The following WWOX variants were observed in gnomAD, a reference collection of about 807,000 sequenced individuals.
WWOX encodes WW domain-containing oxidoreductase.
In WWOX, 69 loss-of-function variants were observed where a neutral mutation model predicts 46.2. The observed-to-expected ratio is 1.49, with a 90% confidence interval of 1.23 to 1.82. The LOEUF (loss-of-function observed/expected upper bound fraction) is 1.82, where lower values mean the gene tolerates loss of function less well. Ranked by LOEUF, WWOX falls within the 40% of genes most tolerant of loss-of-function variation. WWOX has a pLI of 0.00. For missense variants in WWOX, 919 were observed against 542.6 expected (o/e 1.69, Z -6.89); for synonymous variants, 359 against 202.6 (o/e 1.77, Z -6.56).
At chr16:78,413,380 A>G (rs1567557584) in intron 6 of WWOX, among the ~76,000 whole-genome samples, 1 of 152,202 alleles carries the variant, frequency 6.6e-6, no homozygotes, top group African/African-American at 2.4e-5. Flanking sequence ...GAGTCAGCAA[A>G]GGGTGATGGG....
intron 8 of WWOX, among the ~76,000 whole-genome samples, chr16:79,025,374 ATAAGT>A (rs1255098548): frequency 6.6e-6 from 1 of 152,224 alleles, no homozygotes; most frequent in Admixed American, 6.5e-5. Flanking sequence ...GTCTTTGCAG[ATAAGT>A]TCAGTTGAGG....
At chr16:78,754,675 A>T (rs1017192766) in intron 8 of WWOX, among the ~76,000 whole-genome samples, 4 of 152,220 alleles carry the variant, frequency 2.6e-5, no homozygotes, top group Non-Finnish European at 5.9e-5. Flanking sequence ...CTTGACACAA[A>T]TAAAGGCATG....
intron 8 of WWOX, among the ~76,000 whole-genome samples, chr16:78,755,686 G>C (rs549152625): frequency 6.6e-6 from 1 of 152,298 alleles, no homozygotes; most frequent in East Asian, 1.9e-4. Context: ...CCCTGCACCA[G>C]GGCCATGTGA....
At chr16:78,706,192 A>G (rs970966300) in intron 8 of WWOX, among the ~76,000 whole-genome samples, 47 of 152,084 alleles carry the variant, frequency 3.1e-4, no homozygotes, top group African/African-American at 1.0e-3. Flanking sequence ...AGGATATCAA[A>G]AAAGAAAACA....
chr16:78,743,898 A>G (rs546707858), intron 8 of WWOX, among the ~76,000 whole-genome samples: 1 of 152,212 alleles, frequency 6.6e-6, no homozygotes, highest in Non-Finnish European at 1.5e-5. Flanking sequence ...AAAATTCTTT[A>G]ACCAGGCTCT....
intron 8 of WWOX, among the ~76,000 whole-genome samples, chr16:78,594,427 AG>A (rs1186670889): frequency 1.2e-4 from 7 of 60,074 alleles, no homozygotes; most frequent in Non-Finnish European, 1.2e-4. Flanking sequence ...GACTGAGGAA[AG>A]GCCCCCCCCC....
At chr16:78,834,532 G>C (rs1050935097) in intron 8 of WWOX, among the ~76,000 whole-genome samples, 1 of 152,086 alleles carries the variant, frequency 6.6e-6, no homozygotes, top group African/African-American at 2.4e-5. Flanking sequence ...CTGTAAACAA[G>C]GTCTGAAGGC....
intron 8 of WWOX, among the ~76,000 whole-genome samples, chr16:78,601,852 C>T (rs1388760060): frequency 9.0e-6 from 1 of 111,478 alleles, no homozygotes; most frequent in Non-Finnish European, 1.7e-5. Context: ...CTGCAGATCC[C>T]TACTCGGAGT....
chr16:78,397,088 A>G (rs772092143), intron 6 of WWOX, among the ~76,000 whole-genome samples: 6 of 152,186 alleles, frequency 3.9e-5, no homozygotes, highest in Non-Finnish European at 5.9e-5. Context: ...TGTTGTGTGC[A>G]TAGTTAATTT....
At chr16:78,108,332 C>A in intron 1 of WWOX, 91 bp from the exon 2 acceptor site, 1 of 1,298,932 alleles carries the variant, frequency 7.7e-7, no homozygotes. Flanking sequence ...TTATATCTGG[C>A]TATCTGGGAG....
At position 78,929,449 on chromosome 16, in the gene WWOX, A is replaced by G. The variant is rs142128109; in HGVS notation, c.1057-282159A>G. Among the ~76,000 whole-genome samples the G allele has an allele frequency of 9.3e-3, 1,417 of 152,292 alleles. 17 individuals carry two copies. Among genetic ancestry groups the G allele is most frequent in the African/African-American group, 0.032 (1,335 of 41,544 alleles). On this transcript the variant is annotated intron_variant, in intron 8 of 8. Transcript: ENST00000566780. Reference sequence around the variant, plus strand: ...AGAAGGATTTTGAAGAGGAACTGCTATATAACACTGCTTAAAAATCTATTT... The same window carrying G: ...AGAAGGATTTTGAAGAGGAACTGCTGTATAACACTGCTTAAAAATCTATTT...
At position 78,227,980 on chromosome 16, in the gene WWOX, A is replaced by G. The variant is rs890572952; in HGVS notation, c.516+63691A>G. On this transcript the variant is annotated intron_variant, in intron 5 of 8. Coordinates refer to ENST00000566780, the MANE Select transcript of WWOX (RefSeq NM_016373.4). ...TATTTATATTCCATTTCACCACAAG[A>G]TGTCACCAGGGCACCACACCAACAT... Among the ~76,000 whole-genome samples, 4 of 152,216 alleles carry G rather than the reference A, an allele frequency of 2.6e-5. No individual in the cohort carries two copies. The East Asian group carries it at 7.7e-4, about 29-fold the overall frequency.
intron 8 of WWOX, among the ~76,000 whole-genome samples, chr16:78,682,076 G>T (rs541995382): frequency 6.6e-6 from 1 of 152,336 alleles, no homozygotes; most frequent in South Asian, 2.1e-4. Flanking sequence ...CTGAGAAAAT[G>T]CATGTATGTA....
At chr16:78,659,815 A>C (rs1239452355) in intron 8 of WWOX, among the ~76,000 whole-genome samples, 1 of 152,038 alleles carries the variant, frequency 6.6e-6, no homozygotes, top group Non-Finnish European at 1.5e-5. Flanking sequence ...TTTACAAGTC[A>C]CTCTTACTTA....
intron 8 of WWOX, among the ~76,000 whole-genome samples, chr16:78,484,512 C>T (rs992633084): frequency 9.9e-5 from 15 of 152,090 alleles, no homozygotes; most frequent in Non-Finnish European, 1.2e-4. Context: ...TTATTAGCTG[C>T]ATTTATATCT....
At chr16:79,106,523 AG>A (rs2049310560) in intron 8 of WWOX, 5 of 151,226 alleles carry the variant, frequency 3.3e-5, no homozygotes, top group Middle Eastern at 3.2e-3. Context: ...ATTTGGGGAA[AG>A]TATACCTATC....
intron 8 of WWOX, among the ~76,000 whole-genome samples, chr16:78,686,545 T>A (rs1476160370): frequency 6.6e-6 from 1 of 152,138 alleles, no homozygotes; most frequent in Non-Finnish European, 1.5e-5. Context: ...AAATGCATAT[T>A]TTCTGTTTTC....
At chr16:78,907,566 G>C (rs563011157) in intron 8 of WWOX, among the ~76,000 whole-genome samples, 1 of 152,148 alleles carries the variant, frequency 6.6e-6, no homozygotes, top group Non-Finnish European at 1.5e-5. Context: ...CCCAAGCCCA[G>C]GAATGACTAA....
At chr16:78,356,332 C>G (rs964931840) in intron 5 of WWOX, among the ~76,000 whole-genome samples, 1 of 149,666 alleles carries the variant, frequency 6.7e-6, no homozygotes, top group Non-Finnish European at 1.5e-5. Context: ...TCAAAATACT[C>G]AACTTGTTTA....
Sources: allele counts gnomAD v4.1 joint callset (sites outside exome capture counted in the v4.1 genomes callset), GRCh38; gene constraint gnomAD v4.1.1; transcripts MANE v1.5; gene names NCBI Gene and HGNC (gene_info 2026-07-23, HGNC 2026-07-21).